PLCB1: variants seen among roughly 807,000 people sequenced by gnomAD.
The protein encoded by PLCB1 is 1-phosphatidylinositol 4,5-bisphosphate phosphodiesterase beta-1.
In PLCB1, 46 loss-of-function variants were observed where a neutral mutation model predicts 161.8. The ratio of observed to expected loss-of-function variants is 0.28; its 90% CI spans 0.22 to 0.36. PLCB1 has a LOEUF of 0.36. Among genes scored for constraint, PLCB1 ranks in the 10% least tolerant of loss-of-function variants. The pLI is 1.00. For synonymous variants in PLCB1, 517 were observed against 503.7 expected, an observed-to-expected ratio of 1.03 and a Z score of -0.35; for missense variants, 1,016 against 1,472.5, an observed-to-expected ratio of 0.69 and a Z score of 5.07.
chr20:8,878,825 G>T (rs779950877), intron 31 of PLCB1, among the ~76,000 whole-genome samples: 28 of 151,596 alleles, frequency 1.8e-4, no homozygotes, highest in Non-Finnish European at 3.2e-4. Flanking sequence ...TACATGTACA[G>T]GTTTGTTACA....
chr20:8,195,290 T>C (rs1310224876), intron 2 of PLCB1, among the ~76,000 whole-genome samples: 1 of 152,004 alleles, frequency 6.6e-6, no homozygotes. Flanking sequence ...GATTCTCCTA[T>C]AGATATATTA....
chr20:8,617,870 T>C (rs1335453797), intron 3 of PLCB1, among the ~76,000 whole-genome samples: 1 of 152,216 alleles, frequency 6.6e-6, no homozygotes, highest in East Asian at 1.9e-4. Context: ...CCATATCATA[T>C]ACTGCTATTT....
intron 2 of PLCB1, among the ~76,000 whole-genome samples, chr20:8,175,744 T>C (rs59903441): frequency 0.068 from 10,353 of 152,198 alleles, 451 homozygotes; most frequent in Middle Eastern, 0.16. Flanking sequence ...AGAAAGTGTT[T>C]GTAAACCACA....
chr20:8,622,817 T>C (rs1385963282), intron 3 of PLCB1, among the ~76,000 whole-genome samples: 7 of 152,176 alleles, frequency 4.6e-5, no homozygotes, highest in Non-Finnish European at 1.0e-4. Context: ...CTGCCAAGCA[T>C]GTGTATTGCA....
At chr20:8,281,349 T>C (rs974662054) in intron 2 of PLCB1, among the ~76,000 whole-genome samples, 1 of 150,894 alleles carries the variant, frequency 6.6e-6, no homozygotes. Context: ...TACATTTTTT[T>C]CTGTTTTCTC....
rs116084229 is a variant in PLCB1, at chr20:8,162,884, G to A, written c.177+12513G>A. The stretch of plus-strand genomic sequence containing the variant: ...TATGCAAGAGGACAGAAGTTTCAGC[G>A]TTATATTGTGAATATTGAGACATTA... On this transcript the variant is annotated intron_variant, in intron 2 of 31. Coordinates refer to ENST00000338037, the MANE Select transcript of PLCB1 (RefSeq NM_015192.4). Among the ~76,000 whole-genome samples the A allele has an allele frequency of 2.9e-3, 436 of 152,302 alleles. 1 individual carries two copies. Among genetic ancestry groups the A allele is most frequent in the African/African-American group, 9.2e-3 (384 of 41,560 alleles).
At chr20:8,590,226 G>C (rs1000107502) in intron 3 of PLCB1, among the ~76,000 whole-genome samples, 3 of 152,140 alleles carry the variant, frequency 2.0e-5, no homozygotes, top group Non-Finnish European at 4.4e-5. Context: ...TTTGTCCAGA[G>C]AGTGCCAAGG....
At chr20:8,349,423 A>G (rs1027635415) in intron 2 of PLCB1, among the ~76,000 whole-genome samples, 4 of 152,360 alleles carry the variant, frequency 2.6e-5, no homozygotes, top group African/African-American at 9.6e-5. Context: ...TGACCATGAT[A>G]GACCTCACTG....
chr20:8,686,140 C>T (rs1185647076), intron 10 of PLCB1, among the ~76,000 whole-genome samples: 1 of 152,146 alleles, frequency 6.6e-6, no homozygotes, highest in African/African-American at 2.4e-5. Context: ...GACTTGTAAA[C>T]TACATACTTA....
chr20:8,205,053 G>A (rs1978454331), intron 2 of PLCB1, among the ~76,000 whole-genome samples: 1 of 152,058 alleles, frequency 6.6e-6, no homozygotes, highest in Non-Finnish European at 1.5e-5. Context: ...TCTTGAAGTT[G>A]CCTTAAATTC....
intron 31 of PLCB1, among the ~76,000 whole-genome samples, chr20:8,795,652 G>A (rs570142367): frequency 4.4e-4 from 67 of 152,272 alleles, no homozygotes; most frequent in African/African-American, 1.6e-3. Context: ...TGGTTTCCTG[G>A]GGATTTCCAT....
At chr20:8,672,060 C>T (rs995538900) in intron 9 of PLCB1, among the ~76,000 whole-genome samples, 1 of 152,166 alleles carries the variant, frequency 6.6e-6, no homozygotes, top group Admixed American at 6.5e-5. Flanking sequence ...TGTGTGATGT[C>T]TACAGCAAGC....
chr20:8,878,396 G>A (rs766315145), intron 31 of PLCB1, among the ~76,000 whole-genome samples: 3 of 152,182 alleles, frequency 2.0e-5, no homozygotes, highest in African/African-American at 4.8e-5. Flanking sequence ...AAAAGAGTAC[G>A]ACATTGTAAA....
At chr20:8,832,696 A>G (rs1439313548) in intron 31 of PLCB1, among the ~76,000 whole-genome samples, 1 of 152,240 alleles carries the variant, frequency 6.6e-6, no homozygotes, top group Non-Finnish European at 1.5e-5. Flanking sequence ...AGCCTGGCCC[A>G]CAGGTGACTC....
chr20:8,220,749 G>C (rs146351866), intron 2 of PLCB1, among the ~76,000 whole-genome samples: 4 of 152,188 alleles, frequency 2.6e-5, no homozygotes, highest in Admixed American at 6.5e-5. Flanking sequence ...AATGTCTGTT[G>C]TTCAAAGTCA....
chr20:8,463,285 AG>A (rs1421831658), intron 3 of PLCB1, among the ~76,000 whole-genome samples: 3 of 152,198 alleles, frequency 2.0e-5, no homozygotes, highest in Non-Finnish European at 4.4e-5. Context: ...TAATAAAATA[AG>A]CAGCTTTCCC....
chr20:8,617,859 C>G (rs966361773), intron 3 of PLCB1, among the ~76,000 whole-genome samples: 1 of 152,020 alleles, frequency 6.6e-6, no homozygotes, highest in Non-Finnish European at 1.5e-5. Flanking sequence ...TCTTTTTAAT[C>G]CCATATCATA....
rs78113954 is a variant in PLCB1 at position 8,489,885 on chromosome 20, T to A, written c.246+118435T>A. On this transcript the variant is annotated intron_variant, in intron 3 of 31. Coordinates refer to ENST00000338037, the MANE Select transcript of PLCB1 (RefSeq NM_015192.4). ...CAAATTTGGGATTCTCTAAATAAAG[T>A]TCCAGGGCACCAGAGGTTCCACTGG... 2.1e-3 allele frequency among the ~76,000 whole-genome samples: 316 copies of A among 152,322 alleles called. 2 individuals carry two copies. Among genetic ancestry groups the A allele is most frequent in the African/African-American group, 7.2e-3 (301 of 41,578 alleles).
chr20:8,217,679 C>T (rs1278127615), intron 2 of PLCB1, among the ~76,000 whole-genome samples: 1 of 152,104 alleles, frequency 6.6e-6, no homozygotes, highest in African/African-American at 2.4e-5. Context: ...TTCAGTATGT[C>T]CTCCAAAGTT....
Sources: allele counts gnomAD v4.1 joint callset (sites outside exome capture counted in the v4.1 genomes callset), GRCh38; gene constraint gnomAD v4.1.1; transcripts MANE v1.5; gene names NCBI Gene and HGNC (gene_info 2026-07-23, HGNC 2026-07-21).